The following QRICH2 variants were observed in gnomAD, a reference collection of about 807,000 sequenced individuals.
QRICH2 encodes glutamine-rich protein 2.
QRICH2 carries 119 observed loss-of-function variants against 168.3 expected under a neutral mutation model. The ratio of observed to expected loss-of-function variants is 0.71; its 90% CI spans 0.61 to 0.82. The LOEUF (loss-of-function observed/expected upper bound fraction) is 0.82, where lower values mean the gene tolerates loss of function less well. QRICH2 is among the 40% of genes least tolerant of loss of function. QRICH2 has a pLI of 0.00. For missense variants in QRICH2, 2,241 were observed against 2,491.6 expected, an observed-to-expected ratio of 0.90 and a Z score of 2.14; for synonymous variants, 894 against 951.2, an observed-to-expected ratio of 0.94 and a Z score of 1.11.
intron 16 of QRICH2, 48 bp downstream of exon 16, chr17:76,277,115 A>G: frequency 6.7e-7 from 1 of 1,502,190 alleles, no homozygotes; most frequent in Non-Finnish European, 8.8e-7. Context: ...AGGAATCTGG[A>G]GCCATGTCAG....
At chr17:76,299,374 A>C (rs541705870) in intron 3 of QRICH2, among the ~76,000 whole-genome samples, 1 of 152,224 alleles carries the variant, frequency 6.6e-6, no homozygotes, top group African/African-American at 2.4e-5. Flanking sequence ...TACAAAAGAC[A>C]ACCTGGGATC....
At chr17:76,285,233 G>T (rs2070861112) in intron 7 of QRICH2, among the ~76,000 whole-genome samples, 1 of 151,998 alleles carries the variant, frequency 6.6e-6, no homozygotes, top group African/African-American at 2.4e-5. Context: ...CCAGATTCAA[G>T]TGATTCTCCT....
intron 5 of QRICH2, among the ~76,000 whole-genome samples, chr17:76,288,394 A>G (rs2070929214): frequency 6.9e-6 from 1 of 145,458 alleles, no homozygotes. Flanking sequence ...AAAAAAAAAA[A>G]AAAAAAAAAA....
chr17:76,309,992 T>TC (rs1399469956), upstream of QRICH2: 1 of 148,466 alleles, frequency 6.7e-6, no homozygotes, highest in Non-Finnish European at 1.5e-5. Flanking sequence ...TTTGCAGTCT[T>TC]TTTTTTTTTT....
At chr17:76,274,694 C>A (rs1370617777) in intron 18 of QRICH2, among the ~76,000 whole-genome samples, 2 of 152,138 alleles carry the variant, frequency 1.3e-5, no homozygotes, top group Admixed American at 6.5e-5. Context: ...GTTCTGGGAG[C>A]CAGGGTGACA....
rs962273706 is a variant in QRICH2 at position 76,307,974 on chromosome 17, G to A, written c.25C>T (p.Leu9Phe). MPPATTVS[L>F]RELADLSIGT... ...ATGGAGAGGTCCGCCAGCTCCCGGA[G>A]GGAGACCGTGGTCGCGGGCGGCATC... Residue 9 changes from leucine to phenylalanine, a missense_variant, in exon 1 of 19, where the codon CTC becomes TTC. Leu to Phe is a conservative substitution (Grantham distance 22). Around this residue, in one of 3 missense-constraint regions of QRICH2, gnomAD observed 2,047 missense variants for 2,303.8 expected, o/e 0.89. Coordinates refer to ENST00000680821, the MANE Select transcript of QRICH2 (RefSeq NM_001388453.1). This position sits in a 1 kb window ranked among gnomAD's most constrained non-coding sequence, Gnocchi z 5.3. 3.2e-6 allele frequency: 4 copies of A among 1,233,406 alleles called. No individual in the cohort carries two copies. In the African/African-American group the frequency reaches 4.7e-5, roughly 14 times the overall value. The allele number at this position is 1,233,406 out of a possible 1,614,324, so 76.4% of individuals were successfully genotyped here.
In QRICH2 at chr17:76,281,964, T is replaced by A; in HGVS notation, c.4163A>T (p.His1388Leu). The A allele has an allele frequency of 6.2e-7, 1 of 1,613,820 alleles. No homozygotes were observed. The change falls in exon 8 of 19, where the codon CAT (histidine) becomes CTT (leucine). Residue 1388 changes from histidine to leucine, a missense_variant. Around this residue, in one of 3 missense-constraint regions of QRICH2, gnomAD observed 2,047 missense variants for 2,303.8 expected, o/e 0.89. Coordinates refer to ENST00000680821, the MANE Select transcript of QRICH2 (RefSeq NM_001388453.1). This position sits in a 1 kb window ranked among gnomAD's most constrained non-coding sequence, Gnocchi z 4.4. ...TCPACSLDVSHQVSTLVRRYE... is the reference protein window; with the variant it reads ...TCPACSLDVSLQVSTLVRRYE... ...GCGCCGCACCAGCGTGCTGACCTGA[T>A]GGCTCACATCCAGGCTGCAGGCTGG... is the stretch of plus-strand genomic sequence containing the variant.
At chr17:76,303,272 G>A (rs577509961) in intron 3 of QRICH2, among the ~76,000 whole-genome samples, 1 of 152,030 alleles carries the variant, frequency 6.6e-6, no homozygotes, top group Non-Finnish European at 1.5e-5. Context: ...GTTGTTTTTT[G>A]TACCCAGATA....
Position 76,292,210 on chromosome 17 carries a change from ACG to A in QRICH2, c.2515_2516del (p.Arg839TrpfsTer111). The A allele has an allele frequency of 6.6e-7, 1 of 1,525,662 alleles. No homozygotes were observed. 94.5% of individuals were successfully genotyped at this position (1,525,662 alleles called of 1,614,324 possible). The part of the protein sequence containing the change: ...RGLVQPGAVQ[R>X]GLVQPGAVQH... ...GAACTGCACCAGGTTGGACCAAACC[ACG>A]CTGAACTGCACCAGGTTGAACCAAA... On this transcript the variant is annotated frameshift_variant, in exon 4 of 19. Transcript: ENST00000680821. LOFTEE classifies it high-confidence loss of function.
rs1482429011 is a variant in QRICH2 at position 76,278,966 on chromosome 17, T to A, written c.4916+75A>T. On this transcript the variant is annotated intron_variant, in intron 14 of 18. Coordinates refer to ENST00000680821, the MANE Select transcript of QRICH2 (RefSeq NM_001388453.1). ...CGTTCCGCTGGGCCCTCCGGAGTCATCCCTGTCCCCTGCCTTCCCCATCCA... is the reference window on the plus strand; with the variant it reads ...CGTTCCGCTGGGCCCTCCGGAGTCAACCCTGTCCCCTGCCTTCCCCATCCA... 5.6e-6 allele frequency: 7 copies of A among 1,260,200 alleles called. No individual in the cohort carries two copies. The South Asian group carries it at 7.6e-5, about 14-fold the overall frequency. The allele number at this position is 1,260,200 out of a possible 1,614,324, so 78.1% of individuals were successfully genotyped here. A position where few individuals can be genotyped will look rare whatever the true frequency, so the allele number is the denominator to read the frequency against.
Position 76,279,066 on chromosome 17 carries a change from C to G in QRICH2, c.4891G>C (p.Glu1631Gln), listed in dbSNP as rs752684270. 30 of 1,613,864 alleles carry G rather than the reference C, an allele frequency of 1.9e-5. No homozygotes were observed. The highest frequency in any genetic ancestry group is 4.0e-5 in the African/African-American group (3 of 74,954). ...TTGCGGCTATGCTGCCGGACCTGCT[C>G]CAGTTCAAACACCGTGTAGGGGCGG... is the stretch of plus-strand genomic sequence containing the variant. Reference protein sequence around the residue: ...SIRPYTVFELEQVRQHSRNLK... With the variant: ...SIRPYTVFELQQVRQHSRNLK... Residue 1631 changes from glutamate (E) to glutamine (Q), a missense_variant, in exon 14 of 19, where the codon GAG (glutamate) becomes CAG (glutamine). This residue lies in a region of QRICH2 where 2,047 missense variants were observed against 2,303.8 expected (regional missense o/e 0.89). Coordinates refer to ENST00000680821, the MANE Select transcript of QRICH2 (RefSeq NM_001388453.1).
chr17:76,298,470 C>T (rs1169865034), intron 3 of QRICH2, among the ~76,000 whole-genome samples: 1 of 152,100 alleles, frequency 6.6e-6, no homozygotes, highest in African/African-American at 2.4e-5. Flanking sequence ...TGAGCCACTG[C>T]CCCCGGCCAC....
At position 76,280,233 on chromosome 17, in the gene QRICH2, C is replaced by T; in HGVS notation, c.4626+54G>A. 2 of 1,609,394 alleles carry T rather than the reference C, an allele frequency of 1.2e-6. No individual in the cohort carries two copies. Among genetic ancestry groups the T allele is most frequent in the South Asian group, 1.1e-5 (1 of 90,502 alleles). ...GACCCAGGAGAAGGTGGTGCTGTCCCGATCCTGGGGGCAAGGCTGTGGGAT... is the reference window on the plus strand; with the variant it reads ...GACCCAGGAGAAGGTGGTGCTGTCCTGATCCTGGGGGCAAGGCTGTGGGAT... On this transcript the variant is annotated intron_variant, in intron 11 of 18. Transcript: ENST00000680821. The surrounding 1 kb of genome is among the most constrained non-coding windows in gnomAD (Gnocchi z 7.4).
At position 76,279,001 on chromosome 17, in the gene QRICH2, C is replaced by T. The variant is rs777223102; in HGVS notation, c.4916+40G>A. 3 of 1,540,946 alleles carry T rather than the reference C, an allele frequency of 1.9e-6. No individual in the cohort carries two copies. The East Asian group carries it at 6.8e-5, about 35-fold the overall frequency. On this transcript the variant is annotated intron_variant, in intron 14 of 18. Coordinates refer to ENST00000680821, the MANE Select transcript of QRICH2 (RefSeq NM_001388453.1). Reference sequence around the variant, plus strand: ...CTGCCTTCCCCATCCAGAGCCCTGGCCCCGGACCCATATGTCCCATATGCT... The same window carrying T: ...CTGCCTTCCCCATCCAGAGCCCTGGTCCCGGACCCATATGTCCCATATGCT...
At chr17:76,303,514 G>A (rs878939471) in intron 3 of QRICH2, among the ~76,000 whole-genome samples, 1 of 152,086 alleles carries the variant, frequency 6.6e-6, no homozygotes, top group Admixed American at 6.6e-5. Context: ...GTCGGGGATC[G>A]GAAAACAATT....
At position 76,307,988 on chromosome 17, in the gene QRICH2, G is replaced by A; in HGVS notation, c.11C>T (p.Ala4Val). MPP[A>V]TTVSLRELAD... ...CAGCTCCCGGAGGGAGACCGTGGTC[G>A]CGGGCGGCATCGTGGCTGTCAGGAG... is the stretch of plus-strand genomic sequence containing the variant. The change falls in exon 1 of 19, where the codon GCG becomes GTG. Residue 4 changes from alanine (A) to valine (V), a missense_variant. Ala to Val is a moderately conservative substitution (Grantham distance 64, BLOSUM62 0). Around this residue, in one of 3 missense-constraint regions of QRICH2, gnomAD observed 2,047 missense variants for 2,303.8 expected, o/e 0.89. Transcript: ENST00000680821. The surrounding 1 kb of genome is among the most constrained non-coding windows in gnomAD (Gnocchi z 5.3). The A allele has an allele frequency of 8.1e-7, 1 of 1,233,014 alleles. No individual in the cohort carries two copies. Among genetic ancestry groups the A allele is most frequent in the South Asian group, 4.1e-5 (1 of 24,550 alleles). The allele number at this position is 1,233,014 out of a possible 1,614,324, so 76.4% of individuals were successfully genotyped here.
At chr17:76,284,721 G>A (rs2143212420) in intron 7 of QRICH2, among the ~76,000 whole-genome samples, 1 of 151,930 alleles carries the variant, frequency 6.6e-6, no homozygotes, top group Middle Eastern at 3.4e-3. Context: ...GGGAGGCTGA[G>A]GCAGGAGAAT....
At chr17:76,282,248 C>T (rs2070803622) in intron 7 of QRICH2, 133 bp from the exon 8 acceptor site, 2 of 1,084,572 alleles carry the variant, frequency 1.8e-6, no homozygotes, top group Non-Finnish European at 1.3e-6. Context: ...TCCTCAGTGC[C>T]TCCCAGAGCA....
Position 76,278,012 on chromosome 17 carries a change from G to T in QRICH2, c.5094C>A (p.Cys1698Ter), listed in dbSNP as rs1284204132. 1.2e-6 allele frequency: 2 copies of T among 1,612,812 alleles called. No individual in the cohort carries two copies. Among genetic ancestry groups the T allele is most frequent in the African/African-American group, 1.3e-5 (1 of 75,068 alleles). ...QIIRELLHAQ[C>*]LGSPCYKRVT... ...ACCGTTTGTAGCAGGGGGAGCCCAG[G>T]CACTGGGCGTGCAGCAGCTCGCGGA... Residue 1698 changes from cysteine to a stop codon, truncating the protein, a stop_gained, in exon 15 of 19, where the codon TGC becomes TGA. Coordinates refer to ENST00000680821, the MANE Select transcript of QRICH2 (RefSeq NM_001388453.1). LOFTEE classifies it high-confidence loss of function.
Sources: allele counts gnomAD v4.1 joint callset (sites outside exome capture counted in the v4.1 genomes callset), GRCh38; gene constraint gnomAD v4.1.1; regional missense constraint gnomAD v4.1.1; non-coding constraint Gnocchi (gnomAD v3.1); transcripts MANE v1.5; gene names NCBI Gene and HGNC (gene_info 2026-07-23, HGNC 2026-07-21).